Variants in PTPRD observed in about 807,000 individuals in gnomAD.
The protein encoded by PTPRD is receptor-type tyrosine-protein phosphatase delta.
PTPRD carries 34 observed loss-of-function variants against 214.5 expected under a neutral mutation model. That is an observed-to-expected ratio of 0.16 (90% CI 0.12 to 0.21). The LOEUF is 0.21. PTPRD is among the 10% of genes least tolerant of loss of function. The probability of loss-of-function intolerance (pLI) is 1.00; values close to 1 mark genes in which losing one functional copy is unlikely to be tolerated. For synonymous variants in PTPRD, 1,128 were observed against 845.7 expected (o/e 1.33, Z -5.79); for missense variants, 2,545 against 2,398.7 (o/e 1.06, Z -1.27).
chr9:9,193,936 AT>A (rs2099936752), intron 9 of PTPRD, among the ~76,000 whole-genome samples: 1 of 152,152 alleles, frequency 6.6e-6, no homozygotes, highest in Non-Finnish European at 1.5e-5. Context: ...CTTTTTAAAA[AT>A]TTTTTGGCTC....
At chr9:9,402,848 C>T (rs2071252233) in intron 8 of PTPRD, among the ~76,000 whole-genome samples, 1 of 149,154 alleles carries the variant, frequency 6.7e-6, no homozygotes, top group African/African-American at 2.5e-5. Flanking sequence ...AATGGGCAGG[C>T]AGAGCTGAAG....
intron 9 of PTPRD, among the ~76,000 whole-genome samples, chr9:9,214,801 A>G (rs2099951080): frequency 6.6e-6 from 1 of 152,208 alleles, no homozygotes; most frequent in Non-Finnish European, 1.5e-5. Flanking sequence ...CTATATAAAT[A>G]TATTAACTCA....
At chr9:9,058,244 G>A (rs1019513228) in intron 10 of PTPRD, among the ~76,000 whole-genome samples, 6 of 151,964 alleles carry the variant, frequency 3.9e-5, no homozygotes, top group South Asian at 2.1e-4. Flanking sequence ...CCTATCAACC[G>A]AGAGAAGTAA....
chr9:8,436,080 A>G (rs758334477), intron 35 of PTPRD, among the ~76,000 whole-genome samples: 1 of 152,228 alleles, frequency 6.6e-6, no homozygotes, highest in Non-Finnish European at 1.5e-5. Context: ...TCAATTTAGT[A>G]TATTCTAGGA....
At chr9:10,203,727 G>GA (rs1260406574) in intron 3 of PTPRD, among the ~76,000 whole-genome samples, 2 of 151,914 alleles carry the variant, frequency 1.3e-5, no homozygotes, top group Admixed American at 6.6e-5. Context: ...ACCTAAAATG[G>GA]AAAAAAATTG....
intron 4 of PTPRD, among the ~76,000 whole-genome samples, chr9:9,945,023 G>C (rs567114799): frequency 6.6e-6 from 1 of 152,192 alleles, no homozygotes; most frequent in African/African-American, 2.4e-5. Context: ...CTAGAATATG[G>C]ATTTGTCTGA....
chr9:9,634,604 T>C (rs1175716143), intron 7 of PTPRD, among the ~76,000 whole-genome samples: 1 of 152,184 alleles, frequency 6.6e-6, no homozygotes, highest in Non-Finnish European at 1.5e-5. Context: ...TGTTCTCTAA[T>C]ACAACCACCA....
At position 10,341,436 on chromosome 9, in the gene PTPRD, A is replaced by G. The variant is rs1279243189; in HGVS notation, c.-599-419T>C. ...TTGAATAAAGAAAAAAATGTGGCTC[A>G]TAAAAGATAATATAGCAAACAAATT... On this transcript the variant is annotated intron_variant, in intron 2 of 45. Transcript: ENST00000381196. Among the ~76,000 whole-genome samples, 4 of 151,478 alleles carry G rather than the reference A, an allele frequency of 2.6e-5. No homozygotes were observed. In the East Asian group the frequency reaches 7.9e-4, roughly 30 times the overall value.
At chr9:9,548,236 A>G (rs533932955) in intron 8 of PTPRD, among the ~76,000 whole-genome samples, 2 of 152,046 alleles carry the variant, frequency 1.3e-5, no homozygotes, top group Admixed American at 6.6e-5. Flanking sequence ...AAAAGTGACT[A>G]ATAGAAGATA....
chr9:9,818,403 G>C (rs72710161), intron 5 of PTPRD, among the ~76,000 whole-genome samples: 1,793 of 152,172 alleles, frequency 0.012, 19 homozygotes, highest in Non-Finnish European at 0.018. Flanking sequence ...TGACAAGTAA[G>C]GGAATACAAC....
intron 3 of PTPRD, among the ~76,000 whole-genome samples, chr9:10,289,701 T>C (rs2095474190): frequency 6.6e-6 from 1 of 152,192 alleles, no homozygotes; most frequent in African/African-American, 2.4e-5. Context: ...AAGGGCTAAA[T>C]AGGAAATCTT....
At chr9:10,594,140 T>C (rs994697664) in intron 2 of PTPRD, among the ~76,000 whole-genome samples, 1 of 152,022 alleles carries the variant, frequency 6.6e-6, no homozygotes, top group Non-Finnish European at 1.5e-5. Flanking sequence ...GCCTGTTATG[T>C]AGAATATGCC....
chr9:9,955,415 C>T (rs183196936), intron 4 of PTPRD, among the ~76,000 whole-genome samples: 59 of 152,088 alleles, frequency 3.9e-4, no homozygotes, highest in Non-Finnish European at 7.4e-5. Flanking sequence ...TAAAATAAAA[C>T]CTTGTCTTCT....
intron 7 of PTPRD, among the ~76,000 whole-genome samples, chr9:9,580,535 T>G (rs663883): frequency 6.8e-6 from 1 of 146,956 alleles, no homozygotes; most frequent in East Asian, 2.0e-4. Flanking sequence ...TGTCCTTAGC[T>G]TACTTTATTT....
At chr9:9,573,453 G>A (rs2087228650) in intron 8 of PTPRD, among the ~76,000 whole-genome samples, 1 of 150,914 alleles carries the variant, frequency 6.6e-6, no homozygotes, top group South Asian at 2.1e-4. Context: ...GGTTATATGG[G>A]TGTAATTCAT....
At chr9:8,326,474 G>A (rs1449825378) in intron 44 of PTPRD, among the ~76,000 whole-genome samples, 1 of 149,050 alleles carries the variant, frequency 6.7e-6, no homozygotes, top group Non-Finnish European at 1.5e-5. Context: ...CGGTTTGCCA[G>A]TATTTTATTG....
intron 5 of PTPRD, among the ~76,000 whole-genome samples, chr9:9,799,254 G>A (rs1405099499): frequency 2.0e-5 from 3 of 152,212 alleles, no homozygotes; most frequent in African/African-American, 7.2e-5. Flanking sequence ...TTTGGAAGGA[G>A]AGTTAAACTT....
intron 9 of PTPRD, among the ~76,000 whole-genome samples, chr9:9,366,057 C>T (rs1243800269): frequency 6.6e-6 from 1 of 151,298 alleles, no homozygotes; most frequent in Non-Finnish European, 1.5e-5. Flanking sequence ...TCTGAGGCTA[C>T]AAAAATTCCT....
intron 7 of PTPRD, among the ~76,000 whole-genome samples, chr9:9,584,799 T>C (rs2091627231): frequency 6.6e-6 from 1 of 152,012 alleles, no homozygotes; most frequent in Non-Finnish European, 1.5e-5. Context: ...CAACCTGTAA[T>C]GTCAAGGCTT....
Sources: gnomAD v4.1 joint callset for allele counts (sites outside exome capture counted in the v4.1 genomes callset) on GRCh38, gnomAD v4.1.1 for gene constraint, MANE v1.5 for transcripts, NCBI Gene and HGNC (gene_info 2026-07-23, HGNC 2026-07-21) for gene names.